Variants in AFG3L2 observed in about 807,000 individuals in gnomAD.
The protein encoded by AFG3L2 is mitochondrial inner membrane m-AAA protease component AFG3L2.
AFG3L2 carries 54 observed loss-of-function variants against 94.5 expected under a neutral mutation model. The observed-to-expected ratio is 0.57, with a 90% CI of 0.46 to 0.72. The LOEUF (loss-of-function observed/expected upper bound fraction) is 0.72, where lower values mean the gene tolerates loss of function less well. Among genes scored for constraint, AFG3L2 ranks in the 30% least tolerant of loss-of-function variants. AFG3L2 has a pLI of 0.00. For missense variants in AFG3L2, 754 were observed against 994.9 expected, an observed-to-expected ratio of 0.76 and a Z score of 3.26; for synonymous variants, 377 against 365.5, an observed-to-expected ratio of 1.03 and a Z score of -0.36.
At chr18:12,352,744 CTGTT>C (rs1908357172) in intron 10 of AFG3L2, among the ~76,000 whole-genome samples, 1 of 151,980 alleles carries the variant, frequency 6.6e-6, no homozygotes, top group Non-Finnish European at 1.5e-5. Context: ...TTTAAAAGAG[CTGTT>C]TGTTTTAGGG....
intron 16 of AFG3L2, chr18:12,337,125 G>C: frequency 1.6e-6 from 1 of 618,200 alleles, no homozygotes; most frequent in East Asian, 2.7e-5. Context: ...ACATTCCTAA[G>C]AGCCACAGGA....
intron 14 of AFG3L2, chr18:12,341,265 AT>A: frequency 6.6e-6 from 1 of 152,282 alleles, no homozygotes; most frequent in East Asian, 1.9e-4. Flanking sequence ...AATTCCTTTA[AT>A]TTTTAAAAAA....
intron 6 of AFG3L2, among the ~76,000 whole-genome samples, chr18:12,361,930 C>G (rs1908674074): frequency 6.6e-6 from 1 of 152,260 alleles, no homozygotes; most frequent in African/African-American, 2.4e-5. Flanking sequence ...CTGCTATCAA[C>G]TGGGCAATGG....
At chr18:12,361,380 G>A (rs1319994032) in intron 6 of AFG3L2, among the ~76,000 whole-genome samples, 1 of 152,046 alleles carries the variant, frequency 6.6e-6, no homozygotes, top group African/African-American at 2.4e-5. Flanking sequence ...CGGGTGCAGT[G>A]GCTCACGCCT....
chr18:12,334,496 AT>A (rs1343963977), intron 16 of AFG3L2, among the ~76,000 whole-genome samples: 1 of 152,076 alleles, frequency 6.6e-6, no homozygotes, highest in East Asian at 1.9e-4. Context: ...CTCTGTTCAT[AT>A]TCTGATTGCA....
At chr18:12,334,813 A>C (rs1468467532) in intron 16 of AFG3L2, among the ~76,000 whole-genome samples, 1 of 152,166 alleles carries the variant, frequency 6.6e-6, no homozygotes, top group African/African-American at 2.4e-5. Context: ...ATTTCTGCTC[A>C]AGATTCTTTA....
At chr18:12,336,229 T>G (rs1305069129) in intron 16 of AFG3L2, among the ~76,000 whole-genome samples, 2 of 152,250 alleles carry the variant, frequency 1.3e-5, no homozygotes, top group African/African-American at 4.8e-5. Context: ...CAGCCATTAT[T>G]ATGGAGGTCA....
At chr18:12,359,328 G>A (rs1908587069) in intron 7 of AFG3L2, among the ~76,000 whole-genome samples, 1 of 152,108 alleles carries the variant, frequency 6.6e-6, no homozygotes, top group African/African-American at 2.4e-5. Context: ...GGTTCTTTAT[G>A]CTAAAATCCT....
At chr18:12,347,748 A>T (rs904386428) in intron 13 of AFG3L2, among the ~76,000 whole-genome samples, 1 of 151,950 alleles carries the variant, frequency 6.6e-6, no homozygotes. Context: ...ATGGGGTTTC[A>T]CTATGTTAGC....
In AFG3L2 at chr18:12,353,128, T is replaced by C. The variant is rs955150348; in HGVS notation, c.1195A>G (p.Asn399Asp). The change falls in exon 10 of 17, where the codon AAT (asparagine) becomes GAT (aspartate). Residue 399 changes from asparagine (N) to aspartate (D), a missense_variant. Around this residue, in one of 4 missense-constraint regions of AFG3L2, gnomAD observed 109 missense variants for 227.1 expected, o/e 0.48. Transcript: ENST00000269143. Reference sequence around the variant, plus strand: ...TCGATGAAGAGGATGCAAGGGGCATTCTTCCGAGCAAGGGCAAATAAGTCT... The same window carrying C: ...TCGATGAAGAGGATGCAAGGGGCATCCTTCCGAGCAAGGGCAAATAAGTCT... The part of the protein sequence containing the change: ...VRDLFALARK[N>D]APCILFIDEI... 1 of 1,614,134 alleles carries C rather than the reference T, an allele frequency of 6.2e-7. No individual in the cohort carries two copies. The highest frequency in any genetic ancestry group is 8.5e-7 in the Non-Finnish European group (1 of 1,180,012).
chr18:12,365,706 AC>A (rs1908782650), intron 5 of AFG3L2, among the ~76,000 whole-genome samples: 1 of 152,084 alleles, frequency 6.6e-6, no homozygotes, highest in Non-Finnish European at 1.5e-5. Flanking sequence ...TTCCTGCACA[AC>A]CTTCAGAACG....
chr18:12,341,433 T>G (rs574991147), intron 14 of AFG3L2: 1 of 152,280 alleles, frequency 6.6e-6, no homozygotes, highest in Non-Finnish European at 1.5e-5. Context: ...TAGGGAGTCT[T>G]TCCCTCCACA....
chr18:12,343,406 GA>G (rs1416285041), intron 14 of AFG3L2: 1 of 152,406 alleles, frequency 6.6e-6, no homozygotes. Context: ...TGCTTCAGGG[GA>G]CCCCCACACC....
chr18:12,366,503 C>T (rs1193747327), intron 5 of AFG3L2, among the ~76,000 whole-genome samples: 1 of 152,170 alleles, frequency 6.6e-6, no homozygotes, highest in Non-Finnish European at 1.5e-5. Flanking sequence ...ACAACACACG[C>T]TGATTAGCTG....
rs750868061 is a variant in AFG3L2 at position 12,351,142 on chromosome 18, T to G, written c.1495A>C (p.Thr499Pro). 6.2e-7 allele frequency: 1 copy of G among 1,614,062 alleles called. No homozygotes were observed. Among genetic ancestry groups the G allele is most frequent in the African/African-American group, 1.3e-5 (1 of 75,052 alleles). The change falls in exon 12 of 17, where the codon ACC (threonine) becomes CCC (proline). Residue 499 changes from threonine to proline, a missense_variant. Around this residue, in one of 4 missense-constraint regions of AFG3L2, gnomAD observed 279 missense variants for 378.6 expected, o/e 0.74. Coordinates refer to ENST00000269143, the MANE Select transcript of AFG3L2 (RefSeq NM_006796.3). The stretch of plus-strand genomic sequence containing the variant: ...CTTGCCAATTTATCCTTCTCCAGGG[T>G]ACTGTCCAGTTTTAGCGGTCGGAGA... ...VHLRPLKLDSTLEKDKLARKL... is the reference protein window; with the variant it reads ...VHLRPLKLDSPLEKDKLARKL...
At chr18:12,349,379 T>C (rs1391808435) in intron 12 of AFG3L2, among the ~76,000 whole-genome samples, 1 of 152,070 alleles carries the variant, frequency 6.6e-6, no homozygotes, top group Non-Finnish European at 1.5e-5. Flanking sequence ...AGTTACCATA[T>C]CACCCAGCAA....
At chr18:12,341,159 T>A (rs1254517557) in intron 14 of AFG3L2, 1 of 152,228 alleles carries the variant, frequency 6.6e-6, no homozygotes, top group African/African-American at 2.4e-5. Flanking sequence ...AACTCTGCTG[T>A]CGGACGTGGC....
At chr18:12,335,496 G>C (rs1052344252) in intron 16 of AFG3L2, among the ~76,000 whole-genome samples, 1 of 151,808 alleles carries the variant, frequency 6.6e-6, no homozygotes, top group Non-Finnish European at 1.5e-5. Context: ...TCAAGCCCTC[G>C]AAGCTCTCTC....
chr18:12,344,342 A>T, intron 13 of AFG3L2, 95 bp from the exon 14 acceptor site: 1 of 1,042,000 alleles, frequency 9.6e-7, no homozygotes, highest in Non-Finnish European at 1.5e-6. Context: ...CTTACCTAAA[A>T]TGGGGTTTGG....
Sources: allele counts gnomAD v4.1 joint callset (sites outside exome capture counted in the v4.1 genomes callset), GRCh38; gene constraint gnomAD v4.1.1; regional missense constraint gnomAD v4.1.1; transcripts MANE v1.5; gene names NCBI Gene and HGNC (gene_info 2026-07-23, HGNC 2026-07-21).